BBS9: variants seen among roughly 807,000 people sequenced by gnomAD.
The protein encoded by BBS9 is protein PTHB1.
BBS9 carries 89 observed loss-of-function variants against 117.7 expected under a neutral mutation model. The observed-to-expected ratio is 0.76, with a 90% CI of 0.64 to 0.90. The LOEUF (loss-of-function observed/expected upper bound fraction) is 0.90, where lower values mean the gene tolerates loss of function less well. Among genes scored for constraint, BBS9 ranks in the 40% least tolerant of loss-of-function variants. The pLI is 0.00. For missense variants in BBS9, 982 were observed against 1,042.2 expected, an observed-to-expected ratio of 0.94 and a Z score of 0.80; for synonymous variants, 379 against 370.9, an observed-to-expected ratio of 1.02 and a Z score of -0.25.
In BBS9 at chr7:33,332,429, A is replaced by C. The variant is rs573277173; in HGVS notation, c.1017-4012A>C. Among the ~76,000 whole-genome samples the C allele has an allele frequency of 5.9e-3, 894 of 152,320 alleles. 9 individuals are homozygous for C. The highest frequency in any genetic ancestry group is 0.021 in the African/African-American group (860 of 41,564). On this transcript the variant is annotated intron_variant, in intron 9 of 22. Transcript: ENST00000242067. ...GTGTGGGGCTCACGCCTGTAATCCC[A>C]GCACTTTGGGAGGCTGAGGCAGGTG...
At chr7:33,137,449 C>T (rs1192965578) in intron 1 of BBS9, among the ~76,000 whole-genome samples, 1 of 152,198 alleles carries the variant, frequency 6.6e-6, no homozygotes, top group African/African-American at 2.4e-5. Context: ...CTGTTCCCAG[C>T]CCCCACTGGC....
chr7:33,257,914 A>G (rs1339395541), intron 6 of BBS9, among the ~76,000 whole-genome samples: 3 of 152,244 alleles, frequency 2.0e-5, no homozygotes, highest in Non-Finnish European at 4.4e-5. Flanking sequence ...TATGAATGTC[A>G]ATACTTTTTT....
At chr7:33,154,726 C>G (rs1390502835) in intron 3 of BBS9, among the ~76,000 whole-genome samples, 1 of 152,164 alleles carries the variant, frequency 6.6e-6, no homozygotes, top group African/African-American at 2.4e-5. Context: ...CCTCCCACCT[C>G]AGCCTCCCAA....
chr7:33,474,860 G>A (rs1445029441), intron 19 of BBS9, among the ~76,000 whole-genome samples: 1 of 152,172 alleles, frequency 6.6e-6, no homozygotes, highest in African/African-American at 2.4e-5. Flanking sequence ...GCAGAGAATT[G>A]CTTGAACCTG....
At position 33,183,754 on chromosome 7, in the gene BBS9, C is replaced by T. The variant is rs143036277; in HGVS notation, c.442+6163C>T. Among the ~76,000 whole-genome samples, 462 of 152,222 alleles carry T rather than the reference C, an allele frequency of 3.0e-3. 7 individuals are homozygous for T. The highest frequency in any genetic ancestry group is 0.01 in the African/African-American group (435 of 41,538). The stretch of plus-strand genomic sequence containing the variant: ...CTGAGAACAAGAGAAAGTACTGCCA[C>T]GTACTTAAAAGGTCAAGCTCCCAAG... On this transcript the variant is annotated intron_variant, in intron 5 of 22. Coordinates refer to ENST00000242067, the MANE Select transcript of BBS9 (RefSeq NM_198428.3).
intron 20 of BBS9, among the ~76,000 whole-genome samples, chr7:33,519,580 C>CT (rs11442340): frequency 0.58 from 87,052 of 151,106 alleles, 26,960 homozygotes; most frequent in African/African-American, 0.8. Context: ...GAGCATTGTG[C>CT]TTTTTTTTTA....
At chr7:33,331,987 A>G (rs1332660923) in intron 9 of BBS9, among the ~76,000 whole-genome samples, 1 of 152,206 alleles carries the variant, frequency 6.6e-6, no homozygotes, top group Admixed American at 6.5e-5. Flanking sequence ...AAGAGCTCGC[A>G]TAGCCAAAGC....
At chr7:33,331,262 G>T (rs1231601285) in intron 9 of BBS9, among the ~76,000 whole-genome samples, 1 of 152,074 alleles carries the variant, frequency 6.6e-6, no homozygotes, top group African/African-American at 2.4e-5. Flanking sequence ...CATAGAAGGG[G>T]CTTACCTCAA....
intron 21 of BBS9, among the ~76,000 whole-genome samples, chr7:33,559,547 C>T (rs1855781913): frequency 6.6e-6 from 1 of 152,096 alleles, no homozygotes; most frequent in South Asian, 2.1e-4. Flanking sequence ...AGGATTGTGT[C>T]TTGGGAATAT....
chr7:33,153,932 C>A (rs375823689), intron 3 of BBS9, among the ~76,000 whole-genome samples: 2 of 152,256 alleles, frequency 1.3e-5, no homozygotes, highest in African/African-American at 4.8e-5. Context: ...ACAAAAGCAT[C>A]CTTCCTGCTA....
chr7:33,430,486 A>G (rs1378606892), intron 19 of BBS9, among the ~76,000 whole-genome samples: 2 of 152,196 alleles, frequency 1.3e-5, no homozygotes, highest in Non-Finnish European at 1.5e-5. Context: ...TGTTTGTTGT[A>G]TAGAGGAAAC....
intron 1 of BBS9, among the ~76,000 whole-genome samples, chr7:33,132,143 G>A (rs1181019540): frequency 6.6e-6 from 1 of 152,178 alleles, no homozygotes; most frequent in East Asian, 1.9e-4. Flanking sequence ...AACTTGTAGT[G>A]TTTAGAATTA....
chr7:33,569,031 A>G (rs574724526), intron 21 of BBS9, among the ~76,000 whole-genome samples: 2 of 152,334 alleles, frequency 1.3e-5, no homozygotes, highest in East Asian at 1.9e-4. Context: ...CTCCCTCTCT[A>G]TAAATAAATA....
intron 21 of BBS9, among the ~76,000 whole-genome samples, chr7:33,574,037 A>C (rs901287578): frequency 6.6e-6 from 1 of 152,142 alleles, no homozygotes; most frequent in Non-Finnish European, 1.5e-5. Context: ...TCCATTGTGC[A>C]TGTGGGGTCC....
At chr7:33,411,824 G>T (rs183840557) in intron 19 of BBS9, among the ~76,000 whole-genome samples, 9 of 152,130 alleles carry the variant, frequency 5.9e-5, no homozygotes, top group Non-Finnish European at 1.0e-4. Context: ...GCTACTCTGT[G>T]TAGGGGTCTT....
intron 19 of BBS9, among the ~76,000 whole-genome samples, chr7:33,419,878 T>C (rs1244436779): frequency 6.6e-6 from 1 of 152,160 alleles, no homozygotes; most frequent in African/African-American, 2.4e-5. Flanking sequence ...TTTACATCTT[T>C]ATGTCACATC....
chr7:33,304,429 G>A (rs973232273), intron 9 of BBS9, among the ~76,000 whole-genome samples: 6 of 143,404 alleles, frequency 4.2e-5, no homozygotes, highest in African/African-American at 1.1e-4. Flanking sequence ...CCGCCACCCC[G>A]CCTAGGAATT....
chr7:33,541,495 A>G (rs951154121), intron 21 of BBS9, among the ~76,000 whole-genome samples: 2 of 152,218 alleles, frequency 1.3e-5, no homozygotes, highest in African/African-American at 4.8e-5. Context: ...CAGTGCTACC[A>G]TAAAAAATAT....
chr7:33,530,545 A>G (rs1452619170), intron 20 of BBS9, among the ~76,000 whole-genome samples: 3 of 152,180 alleles, frequency 2.0e-5, no homozygotes, highest in Admixed American at 6.5e-5. Flanking sequence ...GTCTTTGTCA[A>G]TGGCTCCAAT....
Sources: allele counts gnomAD v4.1 joint callset (sites outside exome capture counted in the v4.1 genomes callset), GRCh38; gene constraint gnomAD v4.1.1; transcripts MANE v1.5; gene names NCBI Gene and HGNC (gene_info 2026-07-23, HGNC 2026-07-21).